SLC16A7: variants seen among roughly 807,000 people sequenced by gnomAD.
The protein encoded by SLC16A7 is solute carrier family 16 member 7.
A neutral mutation model predicts 34.9 loss-of-function variants in SLC16A7; 33 were observed. The observed-to-expected ratio is 0.94, with a 90% confidence interval of 0.72 to 1.26. The LOEUF is 1.26. SLC16A7 is among the 50% of genes most tolerant of loss of function. The pLI is 0.00. For missense variants in SLC16A7, 573 were observed against 578.1 expected, an observed-to-expected ratio of 0.99 and a Z score of 0.09; for synonymous variants, 201 against 206.6, an observed-to-expected ratio of 0.97 and a Z score of 0.23.
chr12:59,652,413 G>T (rs896870355), intron 1 of SLC16A7, among the ~76,000 whole-genome samples: 1 of 151,728 alleles, frequency 6.6e-6, no homozygotes, highest in Non-Finnish European at 1.5e-5. Context: ...AATGCATTTC[G>T]TTGTAACTAA....
chr12:59,632,921 AT>A lies in SLC16A7; in HGVS notation c.-129-22230del, dbSNP rs201935224. ...TATGGAAAGAAACTGTTGTGAATTA[AT>A]GGGCTGATGAGTGTTGCGTTAGGGA... is the stretch of plus-strand genomic sequence containing the variant. On this transcript the variant is annotated intron_variant, in intron 1 of 5. Transcript: ENST00000547379. Among the ~76,000 whole-genome samples, 74 of 152,036 alleles carry A rather than the reference AT, an allele frequency of 4.9e-4. No individual in the cohort carries two copies. In the East Asian group the frequency reaches 0.013, roughly 26 times the overall value.
chr12:59,654,372 T>C (rs560692361), intron 1 of SLC16A7, among the ~76,000 whole-genome samples: 2 of 151,848 alleles, frequency 1.3e-5, no homozygotes. Context: ...ACTATATGTA[T>C]TGATATTTTA....
In SLC16A7 at chr12:59,787,790, C is replaced by T. The variant is rs1307254374; in HGVS notation, c.*8111C>T. ...GTTTGGTTAGATTCAGCCAAACCGA[C>T]ACCCGTATGCTAAGACTGCATTGTC... On this transcript the variant is annotated 3_prime_UTR_variant, in exon 6 of 6. Coordinates refer to ENST00000547379, the MANE Select transcript of SLC16A7 (RefSeq NM_001270623.2). 1 of 152,190 alleles carries T rather than the reference C, an allele frequency of 6.6e-6. No individual in the cohort carries two copies. The highest frequency in any genetic ancestry group is 1.5e-5 in the Non-Finnish European group (1 of 68,034). The allele number at this position is 152,190 out of a possible 1,614,324, so 9.4% of individuals were successfully genotyped here. A position where few individuals can be genotyped will look rare whatever the true frequency, so the allele number is the denominator to read the frequency against.
In SLC16A7 at chr12:59,781,828, A is replaced by T. The variant is rs1883268533; in HGVS notation, c.*2149A>T. ...CTTGAATTCTCTGAAAAGGCACATT[A>T]AACTAATATGAACATCAGATACCAG... On this transcript the variant is annotated 3_prime_UTR_variant, in exon 6 of 6. Coordinates refer to ENST00000547379, the MANE Select transcript of SLC16A7 (RefSeq NM_001270623.2). 6.6e-6 allele frequency: 1 copy of T among 152,226 alleles called. No individual in the cohort carries two copies. The highest frequency in any genetic ancestry group is 6.6e-5 in the Admixed American group (1 of 15,264). The allele number at this position is 152,226 out of a possible 1,614,324, so 9.4% of individuals were successfully genotyped here. A position where few individuals can be genotyped will look rare whatever the true frequency, so the allele number is the denominator to read the frequency against.
chr12:59,773,870 A>C (rs908718906), intron 4 of SLC16A7, among the ~76,000 whole-genome samples: 1 of 152,140 alleles, frequency 6.6e-6, no homozygotes. Context: ...GCCTAAATCA[A>C]TGTACTTTTT....
At chr12:59,674,628 T>A (rs1269763301) in intron 2 of SLC16A7, among the ~76,000 whole-genome samples, 1 of 152,194 alleles carries the variant, frequency 6.6e-6, no homozygotes, top group Non-Finnish European at 1.5e-5. Flanking sequence ...GTCAAAATTC[T>A]CTACAGCGTT....
intron 1 of SLC16A7, among the ~76,000 whole-genome samples, chr12:59,623,747 A>G (rs181783400): frequency 6.1e-4 from 92 of 151,690 alleles, no homozygotes; most frequent in Non-Finnish European, 9.9e-4. Context: ...TTCCATTTCT[A>G]TTGTTTTGTC....
chr12:59,784,611 T>C lies in SLC16A7; in HGVS notation c.*4932T>C, dbSNP rs2137506359. 1 of 152,322 alleles carries C rather than the reference T, an allele frequency of 6.6e-6. No individual in the cohort carries two copies. Among genetic ancestry groups the C allele is most frequent in the Admixed American group, 6.5e-5 (1 of 15,298 alleles). The allele number at this position is 152,322 out of a possible 1,614,324, so 9.4% of individuals were successfully genotyped here. A position where few individuals can be genotyped will look rare whatever the true frequency, so the allele number is the denominator to read the frequency against. On this transcript the variant is annotated 3_prime_UTR_variant, in exon 6 of 6. Transcript: ENST00000547379. Reference sequence around the variant, plus strand: ...TGTCATTCACCTCTTTGTCTATTTGTTCTGTAGAGAAAACAAGTGTCATTG... The same window carrying C: ...TGTCATTCACCTCTTTGTCTATTTGCTCTGTAGAGAAAACAAGTGTCATTG...
intron 1 of SLC16A7, among the ~76,000 whole-genome samples, chr12:59,616,970 G>A (rs182233053): frequency 2.7e-4 from 41 of 152,060 alleles, no homozygotes; most frequent in East Asian, 1.7e-3. Context: ...ATGTTATAGC[G>A]TAAATGCATT....
intron 2 of SLC16A7, among the ~76,000 whole-genome samples, chr12:59,680,825 G>A (rs17122843): frequency 0.071 from 10,834 of 152,090 alleles, 432 homozygotes; most frequent in Middle Eastern, 0.17. Context: ...AATAATTGTA[G>A]TTCTTCTGGC....
At chr12:59,728,782 G>A (rs564551784) in intron 3 of SLC16A7, among the ~76,000 whole-genome samples, 3 of 152,334 alleles carry the variant, frequency 2.0e-5, no homozygotes, top group African/African-American at 7.2e-5. Context: ...ATGCCATTAT[G>A]TGACACCTAT....
chr12:59,698,988 A>G (rs953488090), intron 2 of SLC16A7, among the ~76,000 whole-genome samples: 3 of 151,792 alleles, frequency 2.0e-5, no homozygotes, highest in African/African-American at 2.4e-5. Context: ...GATAAAATGT[A>G]TTATGTAAAC....
At chr12:59,656,853 A>T (rs1476793347) in intron 2 of SLC16A7, among the ~76,000 whole-genome samples, 1 of 151,950 alleles carries the variant, frequency 6.6e-6, no homozygotes, top group Non-Finnish European at 1.5e-5. Context: ...TTACTAAGGG[A>T]ACCAGCTTAA....
intron 1 of SLC16A7, among the ~76,000 whole-genome samples, chr12:59,602,021 C>T (rs999506448): frequency 3.3e-5 from 5 of 152,250 alleles, no homozygotes; most frequent in Non-Finnish European, 5.9e-5. Context: ...TCAAAAATGC[C>T]TCTCTACATT....
intron 3 of SLC16A7, among the ~76,000 whole-genome samples, chr12:59,708,125 AT>A (rs1295834262): frequency 1.3e-5 from 2 of 152,002 alleles, no homozygotes; most frequent in African/African-American, 2.4e-5. Context: ...GATGCAGATA[AT>A]TTTTTTTCAG....
At chr12:59,646,848 A>G (rs2137012658) in intron 1 of SLC16A7, among the ~76,000 whole-genome samples, 1 of 152,294 alleles carries the variant, frequency 6.6e-6, no homozygotes, top group African/African-American at 2.4e-5. Context: ...AATGTGAGAC[A>G]TGGAGTGAGT....
At chr12:59,638,025 G>A (rs186640324) in intron 1 of SLC16A7, among the ~76,000 whole-genome samples, 1 of 152,060 alleles carries the variant, frequency 6.6e-6, no homozygotes, top group Admixed American at 6.6e-5. Flanking sequence ...AACTTCTATT[G>A]CTTAGAAATT....
At position 59,660,821 on chromosome 12, in the gene SLC16A7, C is replaced by T. The variant is rs755863992; in HGVS notation, c.-31+5571C>T. Among the ~76,000 whole-genome samples, 73 of 152,090 alleles carry T rather than the reference C, an allele frequency of 4.8e-4. 1 individual carries two copies. The highest frequency in any genetic ancestry group is 2.0e-3 in the Admixed American group (30 of 15,248). ...TTTGTTTTGAGGTGTGGAAGGATCT[C>T]ATACCCTGTGAGATGTGACTGAGAC... is the stretch of plus-strand genomic sequence containing the variant. On this transcript the variant is annotated intron_variant, in intron 2 of 5. Coordinates refer to ENST00000547379, the MANE Select transcript of SLC16A7 (RefSeq NM_001270623.2).
intron 5 of SLC16A7, among the ~76,000 whole-genome samples, chr12:59,776,004 T>C (rs2137463842): frequency 6.6e-6 from 1 of 152,298 alleles, no homozygotes; most frequent in South Asian, 2.1e-4. Flanking sequence ...AAGACAGGGA[T>C]GACCGAAAAT....
Sources: gnomAD v4.1 joint callset for allele counts (sites outside exome capture counted in the v4.1 genomes callset) on GRCh38, gnomAD v4.1.1 for gene constraint, MANE v1.5 for transcripts, NCBI Gene and HGNC (gene_info 2026-07-23, HGNC 2026-07-21) for gene names.